The following OVOL1 variants were observed in gnomAD, a reference collection of about 807,000 sequenced individuals.
OVOL1 encodes putative transcription factor Ovo-like 1.
In OVOL1, 10 loss-of-function variants were observed where a neutral mutation model predicts 21.5. The ratio of observed to expected loss-of-function variants is 0.46; its 90% CI spans 0.29 to 0.79. The LOEUF is 0.79. Among genes scored for constraint, OVOL1 ranks in the 30% least tolerant of loss-of-function variants. The pLI is 0.10. For missense variants in OVOL1, 279 were observed against 362.3 expected (o/e 0.77, Z 1.87); for synonymous variants, 129 against 150.3 (o/e 0.86, Z 1.03).
At position 65,787,184 on chromosome 11, in the gene OVOL1, G is replaced by A. The variant is rs965721721; in HGVS notation, c.-190G>A. ...AGGGACCTCGTTCTCAGGGAAGACG[G>A]CGACATTCCGCGGAGGTGGAACCGC... On this transcript the variant is annotated 5_prime_UTR_variant, in exon 1 of 4. Transcript: ENST00000335987. 6.3e-6 allele frequency: 3 copies of A among 477,558 alleles called. No individual in the cohort carries two copies. Among genetic ancestry groups the A allele is most frequent in the Non-Finnish European group, 1.2e-5 (3 of 255,800 alleles). 29.6% of individuals were successfully genotyped at this position (477,558 alleles called of 1,614,324 possible).
At position 65,795,484 on chromosome 11, in the gene OVOL1, C is replaced by T. The variant is rs183016490; in HGVS notation, c.*143C>T. 2.7e-6 allele frequency: 2 copies of T among 729,542 alleles called. No individual in the cohort carries two copies. Among genetic ancestry groups the T allele is most frequent in the East Asian group, 2.7e-5 (1 of 36,976 alleles). The allele number at this position is 729,542 out of a possible 1,614,324, so 45.2% of individuals were successfully genotyped here. On this transcript the variant is annotated 3_prime_UTR_variant, in exon 4 of 4. Coordinates refer to ENST00000335987, the MANE Select transcript of OVOL1 (RefSeq NM_004561.4). This position sits in a 1 kb window ranked among gnomAD's most constrained non-coding sequence, Gnocchi z 5.7. ...GGAGCCCCCGTGCCTTGGTCTCCCC[C>T]CTGGGCACACGTGCTCACTCAGGCC...
At position 65,795,142 on chromosome 11, in the gene OVOL1, A is replaced by C. The variant is rs895615126; in HGVS notation, c.605A>C (p.Lys202Thr). The C allele has an allele frequency of 6.2e-7, 1 of 1,613,892 alleles. No individual in the cohort carries two copies. The highest frequency in any genetic ancestry group is 1.3e-5 in the African/African-American group (1 of 75,034). Reference sequence around the variant, plus strand: ...AAGAAGATCCATGGTGTGCAGCAGAAGTACGCGTACAAGGAGCGGCGGGCC... The same window carrying C: ...AAGAAGATCCATGGTGTGCAGCAGACGTACGCGTACAAGGAGCGGCGGGCC... ...HLKKIHGVQQ[K>T]YAYKERRAKL... The change falls in exon 4 of 4, where the codon AAG becomes ACG. Residue 202 changes from lysine to threonine, a missense_variant. Lys to Thr is a moderately conservative substitution (Grantham distance 78, BLOSUM62 -1). Coordinates refer to ENST00000335987, the MANE Select transcript of OVOL1 (RefSeq NM_004561.4). The surrounding 1 kb of genome is among the most constrained non-coding windows in gnomAD (Gnocchi z 5.7).
At chr11:65,791,384 C>A (rs1361342812) in intron 1 of OVOL1, among the ~76,000 whole-genome samples, 1 of 152,216 alleles carries the variant, frequency 6.6e-6, no homozygotes, top group Non-Finnish European at 1.5e-5. Context: ...CTGGGCTGAC[C>A]CCCATGTTCT....
chr11:65,788,357 C>G (rs976144516), intron 1 of OVOL1: 2 of 524,588 alleles, frequency 3.8e-6, no homozygotes, highest in Non-Finnish European at 4.9e-6. Context: ...CTTCTGTCCT[C>G]CCCCACCCCC....
intron 1 of OVOL1, among the ~76,000 whole-genome samples, chr11:65,792,950 G>A (rs772659830): frequency 6.6e-6 from 1 of 152,206 alleles, no homozygotes; most frequent in African/African-American, 2.4e-5. Context: ...GCACAGGGCC[G>A]TGCTCCTGCT....
rs1858137116 is a variant in OVOL1 at position 65,796,532 on chromosome 11, G to A, written c.*1191G>A. On this transcript the variant is annotated 3_prime_UTR_variant, in exon 4 of 4. Coordinates refer to ENST00000335987, the MANE Select transcript of OVOL1 (RefSeq NM_004561.4). Reference sequence around the variant, plus strand: ...AGCCTTAGCACAGTGGCAAAAAATGGGACAGAATGATGACCAGCACCTCAG... The same window carrying A: ...AGCCTTAGCACAGTGGCAAAAAATGAGACAGAATGATGACCAGCACCTCAG... 6.6e-6 allele frequency: 1 copy of A among 152,270 alleles called. No individual in the cohort carries two copies. Among genetic ancestry groups the A allele is most frequent in the South Asian group, 2.1e-4 (1 of 4,838 alleles). The allele number at this position is 152,270 out of a possible 1,614,324, so 9.4% of individuals were successfully genotyped here. A position where few individuals can be genotyped will look rare whatever the true frequency, so the allele number is the denominator to read the frequency against.
In OVOL1 at chr11:65,787,544, G is replaced by A. The variant is rs938255953; in HGVS notation, c.100+71G>A. ...CGAGGCTGCGGGCGGGCGGGCGGGC[G>A]CAGGTCCGCGGAGCCAGGCGGCAGG... On this transcript the variant is annotated intron_variant, in intron 1 of 3. Coordinates refer to ENST00000335987, the MANE Select transcript of OVOL1 (RefSeq NM_004561.4). 33 of 923,252 alleles carry A rather than the reference G, an allele frequency of 3.6e-5. No individual in the cohort carries two copies. In the Middle Eastern group the frequency reaches 1.3e-3, roughly 37 times the overall value. 57.2% of individuals were successfully genotyped at this position (923,252 alleles called of 1,614,324 possible). A position where few individuals can be genotyped will look rare whatever the true frequency, so the allele number is the denominator to read the frequency against.
At chr11:65,788,641 C>G in intron 1 of OVOL1, 3 of 985,444 alleles carry the variant, frequency 3.0e-6, no homozygotes, top group Non-Finnish European at 3.6e-6. Flanking sequence ...GAGACAGTGT[C>G]CTGGTGAGGT....
In OVOL1 at chr11:65,794,611, G is replaced by A. The variant is rs778124103; in HGVS notation, c.392G>A (p.Arg131His). 43 of 1,613,378 alleles carry A rather than the reference G, an allele frequency of 2.7e-5. No individual in the cohort carries two copies. The highest frequency in any genetic ancestry group is 3.3e-5 in the Admixed American group (2 of 60,010). ...RVCQKAFTYQ[R>H]MLNRHMKCHN... ...TGCCAGAAGGCCTTCACCTACCAGC[G>A]CATGCTGAACCGCCACATGAAGTGT... Residue 131 changes from arginine to histidine, a missense_variant, in exon 3 of 4, where the codon CGC becomes CAC. Arg to His is a conservative substitution (Grantham distance 29). Transcript: ENST00000335987.
At position 65,794,183 on chromosome 11, in the gene OVOL1, G is replaced by A; in HGVS notation, c.253G>A (p.Glu85Lys). The part of the protein sequence containing the change: ...GPCVVAQLPS[E>K]DMGHLTDPQS... The stretch of plus-strand genomic sequence containing the variant: ...CTGTGTGGTGGCCCAGCTGCCCTCT[G>A]AAGACATGGGCCACTTGACAGACCC... Residue 85 changes from glutamate to lysine, a missense_variant, in exon 2 of 4, where the codon GAA becomes AAA. Physicochemically the swap from Glu to Lys is moderately conservative, Grantham distance 56 (BLOSUM62 1). Coordinates refer to ENST00000335987, the MANE Select transcript of OVOL1 (RefSeq NM_004561.4). 2 of 1,613,710 alleles carry A rather than the reference G, an allele frequency of 1.2e-6. No individual in the cohort carries two copies. Among genetic ancestry groups the A allele is most frequent in the South Asian group, 2.2e-5 (2 of 91,088 alleles).
Position 65,787,225 on chromosome 11 carries a change from C to G in OVOL1, c.-149C>G. 1 of 583,118 alleles carries G rather than the reference C, an allele frequency of 1.7e-6. No homozygotes were observed. The highest frequency in any genetic ancestry group is 3.1e-6 in the Non-Finnish European group (1 of 320,790). 36.1% of individuals were successfully genotyped at this position (583,118 alleles called of 1,614,324 possible). ...GTGGAACCGCCGCGCGCCGTCCGGGCTCGGACCTTCCCCGGAACGTGGGGG... is the reference window on the plus strand; with the variant it reads ...GTGGAACCGCCGCGCGCCGTCCGGGGTCGGACCTTCCCCGGAACGTGGGGG... On this transcript the variant is annotated 5_prime_UTR_variant, in exon 1 of 4. Coordinates refer to ENST00000335987, the MANE Select transcript of OVOL1 (RefSeq NM_004561.4).
chr11:65,787,266 T>G lies in OVOL1; in HGVS notation c.-108T>G. ...AACGTGGGGGCGCCTTAGCGACTCC[T>G]TCCCTGTTGTGCCCCCGTTCCCGGC... On this transcript the variant is annotated 5_prime_UTR_variant, in exon 1 of 4. Transcript: ENST00000335987. The G allele has an allele frequency of 1.1e-6, 1 of 895,752 alleles. No individual in the cohort carries two copies. Among genetic ancestry groups the G allele is most frequent in the Non-Finnish European group, 1.7e-6 (1 of 580,330 alleles). The allele number at this position is 895,752 out of a possible 1,614,324, so 55.5% of individuals were successfully genotyped here. A position where few individuals can be genotyped will look rare whatever the true frequency, so the allele number is the denominator to read the frequency against.
In OVOL1 at chr11:65,787,301, G is replaced by A. The variant is rs1412124507; in HGVS notation, c.-73G>A. On this transcript the variant is annotated 5_prime_UTR_variant, in exon 1 of 4. Coordinates refer to ENST00000335987, the MANE Select transcript of OVOL1 (RefSeq NM_004561.4). Reference sequence around the variant, plus strand: ...TGCCCCCGTTCCCGGCGTTCAGCCCGGCCCCGCAAAGGTGGGACGGCTCCC... The same window carrying A: ...TGCCCCCGTTCCCGGCGTTCAGCCCAGCCCCGCAAAGGTGGGACGGCTCCC... The A allele has an allele frequency of 2.3e-6, 3 of 1,284,192 alleles. No homozygotes were observed. Among genetic ancestry groups the A allele is most frequent in the African/African-American group, 1.5e-5 (1 of 66,068 alleles). 79.5% of individuals were successfully genotyped at this position (1,284,192 alleles called of 1,614,324 possible).
rs1858079955 is a variant in OVOL1 at position 65,794,170 on chromosome 11, CCAG to C, written c.242_244del (p.Gln81del). 1 of 1,613,618 alleles carries C rather than the reference CCAG, an allele frequency of 6.2e-7. No homozygotes were observed. Among genetic ancestry groups the C allele is most frequent in the African/African-American group, 1.3e-5 (1 of 74,942 alleles). On this transcript the variant is annotated inframe_deletion, in exon 2 of 4. Coordinates refer to ENST00000335987, the MANE Select transcript of OVOL1 (RefSeq NM_004561.4). ...TGGCCCCCGGGCCCTGTGTGGTGGC[CCAG>C]CTGCCCTCTGAAGACATGGGCCACT...
intron 3 of OVOL1, 54 bp from the exon 4 acceptor site, chr11:65,794,992 C>T (rs558922728): frequency 6.4e-7 from 1 of 1,567,612 alleles, no homozygotes; most frequent in Non-Finnish European, 8.7e-7. Flanking sequence ...AAGCAGCCGA[C>T]AGCCTCTGAA....
In OVOL1 at chr11:65,787,359, G is replaced by A. The variant is rs1026079794; in HGVS notation, c.-15G>A. 8 of 1,566,986 alleles carry A rather than the reference G, an allele frequency of 5.1e-6. No homozygotes were observed. The African/African-American group carries it at 9.6e-5, about 19-fold the overall frequency. The stretch of plus-strand genomic sequence containing the variant: ...GTTACGGAAGCGGCCCGTGTCCAGC[G>A]ACGAGGGTTCGAAAATGCCCCGCGC... On this transcript the variant is annotated 5_prime_UTR_variant, in exon 1 of 4. Coordinates refer to ENST00000335987, the MANE Select transcript of OVOL1 (RefSeq NM_004561.4).
At chr11:65,788,615 C>T (rs1857950362) in intron 1 of OVOL1, 1 of 985,322 alleles carries the variant, frequency 1.0e-6, no homozygotes, top group Admixed American at 6.1e-5. Flanking sequence ...CAGTTTCCCT[C>T]CTGAATAAGC....
chr11:65,794,874 C>G (rs1858098398), intron 3 of OVOL1, 147 bp downstream of exon 3: 1 of 1,004,402 alleles, frequency 1.0e-6, no homozygotes, highest in Admixed American at 2.2e-5. Context: ...CTCCTGAGCT[C>G]ATCAGTTAGG....
rs150749553 is a variant in OVOL1 at position 65,795,684 on chromosome 11, G to A, written c.*343G>A. 22 of 367,380 alleles carry A rather than the reference G, an allele frequency of 6.0e-5. No homozygotes were observed. The highest frequency in any genetic ancestry group is 4.5e-4 in the African/African-American group (22 of 49,184). 22.8% of individuals were successfully genotyped at this position (367,380 alleles called of 1,614,324 possible). ...CTGGCAGCAGGACTTCCTACCCAGA[G>A]GAGGTTCGAGCTAGGATCCCACTGC... On this transcript the variant is annotated 3_prime_UTR_variant, in exon 4 of 4. Coordinates refer to ENST00000335987, the MANE Select transcript of OVOL1 (RefSeq NM_004561.4). This position sits in a 1 kb window ranked among gnomAD's most constrained non-coding sequence, Gnocchi z 5.7.
Sources: gnomAD v4.1 joint callset for allele counts (sites outside exome capture counted in the v4.1 genomes callset) on GRCh38, gnomAD v4.1.1 for gene constraint, Gnocchi (gnomAD v3.1) non-coding constraint, MANE v1.5 for transcripts, NCBI Gene and HGNC (gene_info 2026-07-23, HGNC 2026-07-21) for gene names.